TMEM45A: variants seen among roughly 807,000 people sequenced by gnomAD.
TMEM45A encodes DNA polymerase-transactivated protein 4.
A neutral mutation model predicts 32.0 loss-of-function variants in TMEM45A; 25 were observed. The observed-to-expected ratio is 0.78, with a 90% CI of 0.57 to 1.09. The LOEUF is 1.09. TMEM45A is among the 50% of genes least tolerant of loss of function. TMEM45A has a pLI of 0.00. For missense variants in TMEM45A, 302 were observed against 325.0 expected (o/e 0.93, Z 0.54); for synonymous variants, 122 against 114.8 (o/e 1.06, Z -0.40).
intron 1 of TMEM45A, among the ~76,000 whole-genome samples, chr3:100,529,570 G>A (rs541187507): frequency 6.6e-6 from 1 of 152,246 alleles, no homozygotes; most frequent in East Asian, 1.9e-4. Context: ...GGTTGTAACT[G>A]CTCCCTTGTG....
intron 1 of TMEM45A, among the ~76,000 whole-genome samples, chr3:100,545,197 T>A (rs58633639): frequency 0.064 from 9,710 of 152,202 alleles, 1,054 homozygotes; most frequent in African/African-American, 0.22. Context: ...TTGTTAAAAA[T>A]TTTTTTCTTA....
In TMEM45A at chr3:100,555,285, G is replaced by GTATT. The variant is rs1706193397; in HGVS notation, c.75_78dup (p.Leu27TyrfsTer56). 1 of 1,613,784 alleles carries GTATT rather than the reference G, an allele frequency of 6.2e-7. No individual in the cohort carries two copies. Among genetic ancestry groups the GTATT allele is most frequent in the African/African-American group, 1.3e-5 (1 of 74,910 alleles). ...ATTGGTCTTTGGTGGTGTACAAAGA[G>GTATT]TATTCTGAAGTATATCTGCAAAAAG... On this transcript the variant is annotated frameshift_variant, in exon 2 of 6. Transcript: ENST00000323523. LOFTEE classifies it high-confidence loss of function.
At chr3:100,530,458 G>C (rs529800454) in intron 1 of TMEM45A, among the ~76,000 whole-genome samples, 1 of 152,276 alleles carries the variant, frequency 6.6e-6, no homozygotes, top group East Asian at 1.9e-4. Flanking sequence ...CCAGTATAGA[G>C]GGTAATCTGC....
chr3:100,537,457 C>T (rs1245290521), intron 1 of TMEM45A, among the ~76,000 whole-genome samples: 1 of 152,150 alleles, frequency 6.6e-6, no homozygotes. Flanking sequence ...TTCCACCTTC[C>T]GCACACAAGG....
At chr3:100,511,277 G>A (rs1444248293) in intron 1 of TMEM45A, among the ~76,000 whole-genome samples, 1 of 152,126 alleles carries the variant, frequency 6.6e-6, no homozygotes, top group Non-Finnish European at 1.5e-5. Context: ...CGGATGTCTC[G>A]GCAGAAACTC....
chr3:100,519,342 A>T (rs1705380353), intron 1 of TMEM45A: 1 of 571,890 alleles, frequency 1.7e-6, no homozygotes, highest in South Asian at 2.3e-5. Flanking sequence ...GTGTTTGCTT[A>T]CTAGTTGCTT....
chr3:100,496,676 C>G, intron 1 of TMEM45A, among the ~76,000 whole-genome samples: 1 of 152,200 alleles, frequency 6.6e-6, no homozygotes, highest in East Asian at 1.9e-4. Flanking sequence ...CATATGGAGA[C>G]AGGAGACATG....
chr3:100,513,436 T>A (rs1708203414), intron 1 of TMEM45A, among the ~76,000 whole-genome samples: 2 of 150,188 alleles, frequency 1.3e-5, no homozygotes, highest in Non-Finnish European at 3.0e-5. Flanking sequence ...CCCTTCATGC[T>A]AAAAACTCTC....
At chr3:100,510,719 C>T (rs1708146131) in intron 1 of TMEM45A, among the ~76,000 whole-genome samples, 2 of 152,144 alleles carry the variant, frequency 1.3e-5, no homozygotes, top group African/African-American at 4.8e-5. Context: ...AAGTTGAAAA[C>T]TTTGAAAAAA....
intron 1 of TMEM45A, among the ~76,000 whole-genome samples, chr3:100,511,447 C>T (rs1708158299): frequency 6.6e-6 from 1 of 151,420 alleles, no homozygotes; most frequent in South Asian, 2.1e-4. Flanking sequence ...ACCACCAGGC[C>T]TGCCCTAAAA....
At chr3:100,519,933 G>A (rs73135413) in intron 1 of TMEM45A, among the ~76,000 whole-genome samples, 22,013 of 152,202 alleles carry the variant, frequency 0.14, 2,029 homozygotes, top group Middle Eastern at 0.21. Context: ...TCTGGCAGCT[G>A]AAGCGTTAGG....
At chr3:100,567,853 C>G (rs1260997683) in intron 4 of TMEM45A, among the ~76,000 whole-genome samples, 2 of 152,136 alleles carry the variant, frequency 1.3e-5, no homozygotes, top group Non-Finnish European at 2.9e-5. Flanking sequence ...GGCACAATCT[C>G]GGCTCACTGC....
chr3:100,564,378 A>G (rs1265958277), intron 4 of TMEM45A, among the ~76,000 whole-genome samples: 1 of 152,126 alleles, frequency 6.6e-6, no homozygotes, highest in Non-Finnish European at 1.5e-5. Context: ...ATGTTGCCAG[A>G]TAGTTCTATT....
intron 1 of TMEM45A, among the ~76,000 whole-genome samples, chr3:100,534,140 C>T (rs1049856399): frequency 8.5e-5 from 13 of 152,078 alleles, no homozygotes; most frequent in Admixed American, 7.2e-4. Context: ...CTTCTGTTGG[C>T]GATTTAAAAA....
intron 1 of TMEM45A, among the ~76,000 whole-genome samples, chr3:100,552,168 G>A (rs979939398): frequency 5.9e-5 from 9 of 152,102 alleles, no homozygotes; most frequent in Non-Finnish European, 1.2e-4. Flanking sequence ...CAAAATTTTT[G>A]TGACTCTGTT....
At chr3:100,494,636 A>AT (rs1422386248) in intron 1 of TMEM45A, among the ~76,000 whole-genome samples, 1 of 152,112 alleles carries the variant, frequency 6.6e-6, no homozygotes. Flanking sequence ...CGTCTAAAAA[A>AT]AAAAAAAATT....
chr3:100,522,921 T>C (rs1218892059), intron 1 of TMEM45A, among the ~76,000 whole-genome samples: 1 of 152,180 alleles, frequency 6.6e-6, no homozygotes. Flanking sequence ...CAAGTTCCTG[T>C]GGTTGCGCCC....
intron 1 of TMEM45A, among the ~76,000 whole-genome samples, chr3:100,527,294 G>A (rs1705563328): frequency 6.6e-6 from 1 of 152,162 alleles, no homozygotes; most frequent in Non-Finnish European, 1.5e-5. Context: ...TTGATGACAA[G>A]ACAAGAAACA....
chr3:100,557,715 A>G (rs930510022), intron 3 of TMEM45A, among the ~76,000 whole-genome samples: 2 of 152,230 alleles, frequency 1.3e-5, no homozygotes, highest in East Asian at 3.8e-4. Flanking sequence ...GCTGGATAAA[A>G]GATGGATGTC....
Sources: gnomAD v4.1 joint callset for allele counts (sites outside exome capture counted in the v4.1 genomes callset) on GRCh38, gnomAD v4.1.1 for gene constraint, MANE v1.5 for transcripts, NCBI Gene and HGNC (gene_info 2026-07-23, HGNC 2026-07-21) for gene names.